Variants in STARD13 observed in about 807,000 individuals in gnomAD.
STARD13 encodes the protein StAR related lipid transfer domain containing 13.
Under a neutral mutation model 106.4 loss-of-function variants are expected in STARD13, and 62 were observed. The ratio of observed to expected loss-of-function variants is 0.58; its 90% CI spans 0.48 to 0.72. The LOEUF is 0.72. STARD13 is among the 30% of genes least tolerant of loss of function. The pLI is 0.00. For missense variants in STARD13, 1,387 were observed against 1,424.0 expected, an observed-to-expected ratio of 0.97 and a Z score of 0.42; for synonymous variants, 565 against 553.0, an observed-to-expected ratio of 1.02 and a Z score of -0.31.
intron 4 of STARD13, 121 bp downstream of exon 4, chr13:33,142,189 A>T: frequency 2.6e-6 from 2 of 778,446 alleles, no homozygotes; most frequent in Non-Finnish European, 4.2e-6. Context: ...CACTGTGCCC[A>T]GCTAATTTAT....
the STARD13 span, among the ~76,000 whole-genome samples, chr13:33,484,740 G>A: frequency 6.6e-6 from 1 of 152,084 alleles, no homozygotes; most frequent in Non-Finnish European, 1.5e-5. Flanking sequence ...TGATAAATTG[G>A]CCCTATCTGG....
At chr13:33,552,935 A>T in the STARD13 span, among the ~76,000 whole-genome samples, 1 of 152,208 alleles carries the variant, frequency 6.6e-6, no homozygotes, top group African/African-American at 2.4e-5. Flanking sequence ...TGAAAGGAAG[A>T]GAAATGAATT....
the STARD13 span, among the ~76,000 whole-genome samples, chr13:33,415,810 A>G: frequency 6.6e-6 from 1 of 152,248 alleles, no homozygotes; most frequent in African/African-American, 2.4e-5. Context: ...ACTAAGCGAG[A>G]GATAGTCATT....
chr13:33,459,767 T>A, the STARD13 span, among the ~76,000 whole-genome samples: 4 of 152,216 alleles, frequency 2.6e-5, no homozygotes, highest in African/African-American at 9.6e-5. Context: ...AATTTTTTAT[T>A]ATTTTGTATG....
chr13:33,404,058 T>C, the STARD13 span, among the ~76,000 whole-genome samples: 1 of 152,224 alleles, frequency 6.6e-6, no homozygotes. Context: ...GCTAGTGTTA[T>C]TGATGAGTAG....
chr13:33,119,717 A>G (rs1035546912), intron 7 of STARD13, among the ~76,000 whole-genome samples: 3 of 152,210 alleles, frequency 2.0e-5, no homozygotes, highest in African/African-American at 7.2e-5. Flanking sequence ...TATCGCTCTA[A>G]TCCCACACAT....
chr13:33,217,359 G>A (rs994634372), intron 1 of STARD13, among the ~76,000 whole-genome samples: 2 of 152,180 alleles, frequency 1.3e-5, no homozygotes, highest in African/African-American at 4.8e-5. Context: ...AGCACCTCCT[G>A]CCTCCTGCCT....
chr13:33,443,909 AAGAAG>A, the STARD13 span, among the ~76,000 whole-genome samples: 1 of 151,634 alleles, frequency 6.6e-6, no homozygotes. Flanking sequence ...AAAAAAAAAA[AAGAAG>A]ATATCTCTAA....
chr13:33,215,602 T>C (rs997153889), intron 1 of STARD13, among the ~76,000 whole-genome samples: 2 of 152,210 alleles, frequency 1.3e-5, no homozygotes, highest in African/African-American at 4.8e-5. Context: ...GGCTGCTTCA[T>C]GGCTTAAATG....
the STARD13 span, chr13:33,656,753 G>C: frequency 6.6e-6 from 1 of 152,186 alleles, no homozygotes. Flanking sequence ...CTTCTAATGC[G>C]AAGAGAATAC....
At chr13:33,628,081 T>C in the STARD13 span, among the ~76,000 whole-genome samples, 5,206 of 151,628 alleles carry the variant, frequency 0.034, 291 homozygotes, top group African/African-American at 0.12. Context: ...AGTCATCTTT[T>C]GGTTGAACAA....
At chr13:33,362,760 C>T in the STARD13 span, among the ~76,000 whole-genome samples, 129,738 of 152,156 alleles carry the variant, frequency 0.85, 59,082 homozygotes, top group East Asian at 1. Flanking sequence ...CTGACCAGAA[C>T]GTATGTCCAC....
the STARD13 span, among the ~76,000 whole-genome samples, chr13:33,471,548 A>G: frequency 6.6e-6 from 1 of 152,180 alleles, no homozygotes; most frequent in African/African-American, 2.4e-5. Context: ...TTTCCATTCT[A>G]AAATATAAGA....
chr13:33,371,946 A>G, the STARD13 span, among the ~76,000 whole-genome samples: 1 of 152,218 alleles, frequency 6.6e-6, no homozygotes. Flanking sequence ...ATTGCATCTC[A>G]GAAATACCTG....
chr13:33,119,256 C>T (rs1299012156), intron 7 of STARD13, among the ~76,000 whole-genome samples: 1 of 152,118 alleles, frequency 6.6e-6, no homozygotes, highest in Non-Finnish European at 1.5e-5. Flanking sequence ...TTTTTAAATG[C>T]CTATAGGGAG....
chr13:33,136,799 C>A (rs1330684007), intron 4 of STARD13, among the ~76,000 whole-genome samples: 1 of 151,418 alleles, frequency 6.6e-6, no homozygotes, highest in Non-Finnish European at 1.5e-5. Flanking sequence ...GTCAGTGTAA[C>A]CTCATTCTTC....
chr13:33,461,393 A>G, the STARD13 span, among the ~76,000 whole-genome samples: 1 of 152,204 alleles, frequency 6.6e-6, no homozygotes, highest in Non-Finnish European at 1.5e-5. Flanking sequence ...GCTTGTGCTA[A>G]GTTTTGTCAT....
At chr13:33,205,138 CA>C (rs1297714600) in intron 1 of STARD13, among the ~76,000 whole-genome samples, 1 of 152,164 alleles carries the variant, frequency 6.6e-6, no homozygotes, top group Non-Finnish European at 1.5e-5. Flanking sequence ...ATGTAACATA[CA>C]ATTACCAACA....
At chr13:33,148,486 A>G (rs1490117401) in intron 3 of STARD13, among the ~76,000 whole-genome samples, 2 of 152,222 alleles carry the variant, frequency 1.3e-5, no homozygotes, top group African/African-American at 4.8e-5. Context: ...GGCACTCAAC[A>G]TCACATGTCA....
Sources: allele counts gnomAD v4.1 joint callset (sites outside exome capture counted in the v4.1 genomes callset), GRCh38; gene constraint gnomAD v4.1.1; transcripts MANE v1.5; gene names NCBI Gene and HGNC (gene_info 2026-07-23, HGNC 2026-07-21).